WDR75: variants seen among roughly 807,000 people sequenced by gnomAD.
WDR75 encodes WD repeat-containing protein 75.
A neutral mutation model predicts 106.1 loss-of-function variants in WDR75; 52 were observed. The ratio of observed to expected loss-of-function variants is 0.49; its 90% CI spans 0.39 to 0.62. The LOEUF (loss-of-function observed/expected upper bound fraction) is 0.62, where lower values mean the gene tolerates loss of function less well. Ranked by LOEUF, WDR75 falls within the 20% of genes least tolerant of loss-of-function variation. The pLI is 0.00. For synonymous variants in WDR75, 333 were observed against 335.5 expected (o/e 0.99, Z 0.08); for missense variants, 905 against 970.3 (o/e 0.93, Z 0.89).
intron 5 of WDR75, 36 bp from the exon 6 acceptor site, chr2:189,457,275 T>A: frequency 7.1e-7 from 1 of 1,415,444 alleles, no homozygotes; most frequent in Non-Finnish European, 9.8e-7. Flanking sequence ...GTGTTGACTA[T>A]TTTTGTGAAT....
chr2:189,458,944 T>C lies in WDR75; in HGVS notation c.689+72T>C, dbSNP rs1040237508. ...ACGTTAGTCCTGTAGAACAGGGCTATCTCTGGGTCCCAAGAAACAGCCTCC... is the reference window on the plus strand; with the variant it reads ...ACGTTAGTCCTGTAGAACAGGGCTACCTCTGGGTCCCAAGAAACAGCCTCC... On this transcript the variant is annotated intron_variant, in intron 7 of 20. Transcript: ENST00000314761. The C allele has an allele frequency of 5.2e-5, 75 of 1,447,580 alleles. No homozygotes were observed. The African/African-American group carries it at 1.0e-3, about 20-fold the overall frequency. The allele number at this position is 1,447,580 out of a possible 1,614,324, so 89.7% of individuals were successfully genotyped here. A position where few individuals can be genotyped will look rare whatever the true frequency, so the allele number is the denominator to read the frequency against.
At position 189,469,330 on chromosome 2, in the gene WDR75, G is replaced by T. The variant is rs115663376; in HGVS notation, c.1724-14G>T. On this transcript the variant is annotated splice_polypyrimidine_tract_variant and intron_variant, in intron 15 of 20. Transcript: ENST00000314761. ...CTTTCCTTAGAAGTGAATCACCTTTGTTTTTCCCCTCAGTGGAGTGGAATG... is the reference window on the plus strand; with the variant it reads ...CTTTCCTTAGAAGTGAATCACCTTTTTTTTTCCCCTCAGTGGAGTGGAATG... The T allele has an allele frequency of 3.6e-3, 5,799 of 1,598,654 alleles. 190 individuals are homozygous for T. In the African/African-American group the frequency reaches 0.07, roughly 19 times the overall value.
intron 11 of WDR75, among the ~76,000 whole-genome samples, chr2:189,464,413 T>C (rs1175069088): frequency 6.6e-6 from 1 of 152,152 alleles, no homozygotes; most frequent in Non-Finnish European, 1.5e-5. Context: ...ACTTTTCTTG[T>C]TCCCCACAGT....
chr2:189,473,660 C>T (rs930664836), intron 18 of WDR75, among the ~76,000 whole-genome samples: 8 of 152,076 alleles, frequency 5.3e-5, no homozygotes, highest in African/African-American at 1.9e-4. Flanking sequence ...TCCACCAGCC[C>T]GTCTGGTTTG....
intron 2 of WDR75, chr2:189,450,006 G>A (rs74677708): frequency 0.041 from 39,910 of 981,904 alleles, 1,194 homozygotes; most frequent in African/African-American, 0.14. Context: ...TGGGACAAAA[G>A]TAAGCCTATG....
intron 6 of WDR75, 125 bp from the exon 7 acceptor site, chr2:189,458,628 T>C (rs534050546): frequency 4.2e-5 from 31 of 746,414 alleles, no homozygotes; most frequent in Non-Finnish European, 5.2e-5. Flanking sequence ...CCTGCAGTTA[T>C]ATTTATTGAA....
Position 189,441,560 on chromosome 2 carries a change from T to G in WDR75, c.68T>G (p.Val23Gly), listed in dbSNP as rs1265266592. 6.4e-7 allele frequency: 1 copy of G among 1,560,246 alleles called. No individual in the cohort carries two copies. The highest frequency in any genetic ancestry group is 1.4e-5 in the African/African-American group (1 of 73,596). The change falls in exon 1 of 21, where the codon GTG becomes GGG. Residue 23 changes from valine to glycine, a missense_variant. Coordinates refer to ENST00000314761, the MANE Select transcript of WDR75 (RefSeq NM_032168.3). The stretch of plus-strand genomic sequence containing the variant: ...AGCGAGTTGAACTTTAGGAGAGCTG[T>G]GTTCTCTGCAGATTCTAAGTATGAG... ...GGSELNFRRAVFSADSKYIFC... is the reference protein window; with the variant it reads ...GGSELNFRRAGFSADSKYIFC...
intron 18 of WDR75, among the ~76,000 whole-genome samples, chr2:189,471,720 G>C (rs1263623463): frequency 6.6e-6 from 1 of 152,140 alleles, no homozygotes; most frequent in African/African-American, 2.4e-5. Flanking sequence ...GTCATCCTAG[G>C]ATCTATATTC....
rs1437284975 is a variant in WDR75, at chr2:189,474,699, T to C, written c.2197-18T>C. ...GATAAGCTTTTTAATTGCAACCGTG[T>C]TTTCTGTTTGACTCCAGCTTCTTCA... On this transcript the variant is annotated intron_variant, in intron 19 of 20. Coordinates refer to ENST00000314761, the MANE Select transcript of WDR75 (RefSeq NM_032168.3). The C allele has an allele frequency of 6.2e-7, 1 of 1,610,122 alleles. No individual in the cohort carries two copies.
chr2:189,457,262 A>AT, intron 5 of WDR75, 49 bp from the exon 6 acceptor site: 1 of 1,290,828 alleles, frequency 7.7e-7, no homozygotes, highest in Non-Finnish European at 1.1e-6. Context: ...GAAAAAAAAA[A>AT]GAGTGTTGAC....
Position 189,475,518 on chromosome 2 carries a change from TAATA to T in WDR75, c.*106_*109del, listed in dbSNP as rs768638122. 4.3e-5 allele frequency: 32 copies of T among 743,712 alleles called. No homozygotes were observed. In the South Asian group the frequency reaches 5.5e-4, roughly 13 times the overall value. 46.1% of individuals were successfully genotyped at this position (743,712 alleles called of 1,614,324 possible). ...TGTTATTTCTGTTCTAAAAATAAGA[TAATA>T]AATATTAACAAACTTTGCTTTTTTA... On this transcript the variant is annotated 3_prime_UTR_variant, in exon 21 of 21. Transcript: ENST00000314761.
At chr2:189,445,308 G>A in intron 1 of WDR75, among the ~76,000 whole-genome samples, 1 of 152,226 alleles carries the variant, frequency 6.6e-6, no homozygotes, top group East Asian at 1.9e-4. Flanking sequence ...TGAAAACACA[G>A]TGTCTCACCT....
intron 5 of WDR75, chr2:189,455,733 A>G (rs990139249): frequency 4.1e-5 from 8 of 197,106 alleles, no homozygotes; most frequent in Admixed American, 1.8e-4. Context: ...TTTATAATTA[A>G]TATGCCCATT....
At chr2:189,449,238 G>A in intron 2 of WDR75, 12 of 1,301,770 alleles carry the variant, frequency 9.2e-6, no homozygotes, top group Non-Finnish European at 1.2e-5. Context: ...CCATTTTCCT[G>A]GATTAGTCAC....
intron 2 of WDR75, chr2:189,449,358 T>G (rs750583913): frequency 7.7e-7 from 1 of 1,294,430 alleles, no homozygotes; most frequent in Non-Finnish European, 1.0e-6. Context: ...AATGAGCTAC[T>G]TCTAAAAATC....
At chr2:189,466,612 T>C (rs751410327) in intron 13 of WDR75, 30 bp downstream of exon 13, 4 of 1,571,848 alleles carry the variant, frequency 2.5e-6, no homozygotes, top group Non-Finnish European at 2.6e-6. Flanking sequence ...ATGTTTAAAG[T>C]GTGCACAATT....
chr2:189,451,736 G>A (rs757098396), intron 3 of WDR75, 69 bp from the exon 4 acceptor site: 80 of 1,396,718 alleles, frequency 5.7e-5, no homozygotes, highest in Non-Finnish European at 7.7e-5. Flanking sequence ...AAAAACCCCT[G>A]CCTTGATGGA....
Position 189,450,554 on chromosome 2 carries a change from T to C in WDR75, c.217-349T>C, listed in dbSNP as rs1276509939. The C allele has an allele frequency of 4.7e-6, 5 of 1,060,858 alleles. No individual in the cohort carries two copies. The African/African-American group carries it at 6.9e-5, about 15-fold the overall frequency. The allele number at this position is 1,060,858 out of a possible 1,614,324, so 65.7% of individuals were successfully genotyped here. Reference sequence around the variant, plus strand: ...CTGGTCTCGAACTCCTGGCCTCAAGTGATGCACCCACCTGGGCCTCCCAAA... The same window carrying C: ...CTGGTCTCGAACTCCTGGCCTCAAGCGATGCACCCACCTGGGCCTCCCAAA... On this transcript the variant is annotated intron_variant, in intron 2 of 20. Coordinates refer to ENST00000314761, the MANE Select transcript of WDR75 (RefSeq NM_032168.3).
intron 15 of WDR75, 28 bp downstream of exon 15, chr2:189,468,597 CT>C (rs779114468): frequency 6.2e-7 from 1 of 1,606,984 alleles, no homozygotes; most frequent in African/African-American, 1.3e-5. Flanking sequence ...CTAAAGTGAT[CT>C]GGCAAAGCGC....
Sources: allele counts gnomAD v4.1 joint callset (sites outside exome capture counted in the v4.1 genomes callset), GRCh38; gene constraint gnomAD v4.1.1; transcripts MANE v1.5; gene names NCBI Gene and HGNC (gene_info 2026-07-23, HGNC 2026-07-21).